PROKR2: variants seen among roughly 807,000 people sequenced by gnomAD.
The protein encoded by PROKR2 is G protein-coupled receptor 73-like 1.
A neutral mutation model predicts 23.4 loss-of-function variants in PROKR2; 26 were observed. That is an observed-to-expected ratio of 1.11 (90% CI 0.81 to 1.54). The LOEUF (loss-of-function observed/expected upper bound fraction) is 1.54. Ranked by LOEUF, PROKR2 falls within the 40% of genes most tolerant of loss-of-function variation. The probability of loss-of-function intolerance (pLI) is 0.00; values close to 1 mark genes in which losing one functional copy is unlikely to be tolerated. For missense variants in PROKR2, 453 were observed against 511.5 expected, an observed-to-expected ratio of 0.89 and a Z score of 1.10; for synonymous variants, 212 against 201.2, an observed-to-expected ratio of 1.05 and a Z score of -0.45.
rs1235576605 is a variant in PROKR2 at position 5,302,138 on chromosome 20, G to A, written c.1057C>T (p.Arg353Cys). 5.0e-6 allele frequency: 8 copies of A among 1,614,064 alleles called. No individual in the cohort carries two copies. Among genetic ancestry groups the A allele is most frequent in the Admixed American group, 3.3e-5 (2 of 60,008 alleles). ...GACTTGCTCCCCCGCTGGGAGGGACGCCAGTGCAGCAGCATCATCTTCTTG... is the reference window on the plus strand; with the variant it reads ...GACTTGCTCCCCCGCTGGGAGGGACACCAGTGCAGCAGCATCATCTTCTTG... ...YFKKMMLLHW[R>C]PSQRGSKSSA... Residue 353 changes from arginine to cysteine, a missense_variant, in exon 3 of 3, where the codon CGT (arginine) becomes TGT (cysteine). Coordinates refer to ENST00000678254, the MANE Select transcript of PROKR2 (RefSeq NM_144773.4).
chr20:5,310,184 G>C (rs1396092793), intron 2 of PROKR2, among the ~76,000 whole-genome samples: 1 of 152,184 alleles, frequency 6.6e-6, no homozygotes, highest in East Asian at 1.9e-4. Context: ...CATTTCCTAT[G>C]ACTCATTCAT....
Position 5,301,189 on chromosome 20 carries a change from T to C in PROKR2, c.*851A>G, listed in dbSNP as rs1304147463. Among the ~76,000 whole-genome samples, 1 of 150,892 alleles carries C rather than the reference T, an allele frequency of 6.6e-6. No individual in the cohort carries two copies. The highest frequency in any genetic ancestry group is 2.4e-5 in the African/African-American group (1 of 40,940). The stretch of plus-strand genomic sequence containing the variant: ...ACATTTCCATTGTGTCTAAGAGTCT[T>C]CTTCTATAGCCGTTGGTTGTTGTTG... On this transcript the variant is annotated 3_prime_UTR_variant, in exon 3 of 3. Coordinates refer to ENST00000678254, the MANE Select transcript of PROKR2 (RefSeq NM_144773.4).
chr20:5,304,896 C>T, intron 2 of PROKR2, among the ~76,000 whole-genome samples: 1 of 152,088 alleles, frequency 6.6e-6, no homozygotes, highest in Non-Finnish European at 1.5e-5. Context: ...ATATCAAGGC[C>T]TGTGATGGTA....
rs1330236754 is a variant in PROKR2 at position 5,314,330 on chromosome 20, A to C, written c.40T>G (p.Phe14Val). Reference sequence around the variant, plus strand: ...GAGGCATGGTCTTGGGGTGGATTAAAGTTGGGTGTGAAACTGGTGTTTCCA... The same window carrying C: ...GAGGCATGGTCTTGGGGTGGATTAACGTTGGGTGTGAAACTGGTGTTTCCA... ...QNGNTSFTPN[F>V]NPPQDHASSL... Residue 14 changes from phenylalanine to valine, a missense_variant, in exon 2 of 3, where the codon TTT becomes GTT. Physicochemically the swap from Phe to Val is conservative, Grantham distance 50. Transcript: ENST00000678254. 6.2e-7 allele frequency: 1 copy of C among 1,614,144 alleles called. No homozygotes were observed.
chr20:5,314,425 CCTT>C lies in PROKR2; in HGVS notation c.-8-51_-8-49del. 8 of 1,459,182 alleles carry C rather than the reference CCTT, an allele frequency of 5.5e-6. No homozygotes were observed. In the South Asian group the frequency reaches 9.1e-5, roughly 17 times the overall value. 90.4% of individuals were successfully genotyped at this position (1,459,182 alleles called of 1,614,324 possible). A position where few individuals can be genotyped will look rare whatever the true frequency, so the allele number is the denominator to read the frequency against. ...GAGGTGCGAGGGGTGAGGGTCCAGA[CCTT>C]CTGCTCTTTCAGGGTCAGTGAGCCT... On this transcript the variant is annotated intron_variant, in intron 1 of 2. Transcript: ENST00000678254.
rs528634363 is a variant in PROKR2, at chr20:5,300,906, T to C, written c.*1134A>G. 2.0e-5 allele frequency among the ~76,000 whole-genome samples: 3 copies of C among 152,224 alleles called. No individual in the cohort carries two copies. The highest frequency in any genetic ancestry group is 2.4e-5 in the African/African-American group (1 of 41,474). On this transcript the variant is annotated 3_prime_UTR_variant, in exon 3 of 3. Coordinates refer to ENST00000678254, the MANE Select transcript of PROKR2 (RefSeq NM_144773.4). ...GGAGGCAAAAATTGACACCTCAGGA[T>C]TACCCATCTCCACCCAAATAAAATG...
At chr20:5,312,402 C>T (rs529860632) in intron 2 of PROKR2, among the ~76,000 whole-genome samples, 116 of 152,306 alleles carry the variant, frequency 7.6e-4, no homozygotes, top group African/African-American at 2.5e-3. Context: ...CCACCGCACC[C>T]GGGCTGACTT....
rs558187550 is a variant in PROKR2 at position 5,300,853 on chromosome 20, C to G, written c.*1187G>C. Among the ~76,000 whole-genome samples the G allele has an allele frequency of 1.3e-5, 2 of 152,302 alleles. No individual in the cohort carries two copies. Among genetic ancestry groups the G allele is most frequent in the Admixed American group, 6.5e-5 (1 of 15,294 alleles). On this transcript the variant is annotated 3_prime_UTR_variant, in exon 3 of 3. Transcript: ENST00000678254. ...TTCTCTGTCCTCTTTCCCCCTGACC[C>G]CAGAGCCACTGAAATCCTTTGCACT...
At chr20:5,304,271 A>G (rs942622145) in intron 2 of PROKR2, among the ~76,000 whole-genome samples, 2 of 152,184 alleles carry the variant, frequency 1.3e-5, no homozygotes, top group Non-Finnish European at 2.9e-5. Context: ...CCCCAGATCA[A>G]CAGGGAAATA....
intron 2 of PROKR2, among the ~76,000 whole-genome samples, chr20:5,310,653 T>TTGA (rs1979404763): frequency 5.2e-5 from 2 of 38,180 alleles, no homozygotes; most frequent in African/African-American, 3.0e-4. Flanking sequence ...GCAGCCCTCA[T>TTGA]CAATGACCTC....
chr20:5,309,046 G>T (rs981185691), intron 2 of PROKR2, among the ~76,000 whole-genome samples: 12 of 152,086 alleles, frequency 7.9e-5, no homozygotes, highest in Non-Finnish European at 1.6e-4. Context: ...TGGTTGCTGG[G>T]GTTCTTCAGC....
At chr20:5,313,541 G>C (rs1979521136) in intron 2 of PROKR2, among the ~76,000 whole-genome samples, 1 of 152,230 alleles carries the variant, frequency 6.6e-6, no homozygotes, top group Non-Finnish European at 1.5e-5. Flanking sequence ...CTGGAGGGTG[G>C]CTACAGGAAA....
In PROKR2 at chr20:5,302,620, G is replaced by T. The variant is rs960872927; in HGVS notation, c.575C>A (p.Ala192Glu). Residue 192 changes from alanine to glutamate, a missense_variant, in exon 3 of 3, where the codon GCA (alanine) becomes GAA (glutamate). Ala to Glu is a moderately radical substitution (Grantham distance 107). Coordinates refer to ENST00000678254, the MANE Select transcript of PROKR2 (RefSeq NM_144773.4). ...GACAATAAAGAGGACCGTTTCTGTT[G>T]CAAAGTAAGCCGATGGGATGGCAAT... ...ILIAIPSAYF[A>E]TETVLFIVKS... The T allele has an allele frequency of 6.2e-7, 1 of 1,614,214 alleles. No homozygotes were observed. The highest frequency in any genetic ancestry group is 1.7e-5 in the Admixed American group (1 of 60,014).
rs538606142 is a variant in PROKR2, at chr20:5,302,504, C to T, written c.691G>A (p.Glu231Lys). ...KSYFLFIFGVEFVGPVVTMTL... is the reference protein window; with the variant it reads ...KSYFLFIFGVKFVGPVVTMTL... The stretch of plus-strand genomic sequence containing the variant: ...ATGGTGACCACAGGGCCCACGAACT[C>T]GACACCAAAGATGAAGAGGAAGTAG... Residue 231 changes from glutamate to lysine, a missense_variant, in exon 3 of 3, where the codon GAG (glutamate) becomes AAG (lysine). Coordinates refer to ENST00000678254, the MANE Select transcript of PROKR2 (RefSeq NM_144773.4). The T allele has an allele frequency of 7.4e-6, 12 of 1,614,224 alleles. No homozygotes were observed. Among genetic ancestry groups the T allele is most frequent in the South Asian group, 4.4e-5 (4 of 91,086 alleles).
rs778739474 is a variant in PROKR2 at position 5,302,246 on chromosome 20, C to T, written c.949G>A (p.Val317Met). 10 of 1,614,200 alleles carry T rather than the reference C, an allele frequency of 6.2e-6. No homozygotes were observed. The highest frequency in any genetic ancestry group is 3.3e-5 in the Admixed American group (2 of 60,024). The change falls in exon 3 of 3, where the codon GTG becomes ATG. Residue 317 changes from valine to methionine, a missense_variant. By Grantham distance (21) the Val-to-Met change is conservative. Coordinates refer to ENST00000678254, the MANE Select transcript of PROKR2 (RefSeq NM_144773.4). Reference sequence around the variant, plus strand: ...TTGCTCATGGCGATGCACTCGACCACGTAGAAGGCAGTGAGGTAGTGCTTT... The same window carrying T: ...TTGCTCATGGCGATGCACTCGACCATGTAGAAGGCAGTGAGGTAGTGCTTT... ...KEKHYLTAFY[V>M]VECIAMSNSM...
intron 2 of PROKR2, 63 bp downstream of exon 2, chr20:5,313,849 G>A (rs1157129364): frequency 2.9e-6 from 4 of 1,357,242 alleles, no homozygotes; most frequent in Non-Finnish European, 4.2e-6. Flanking sequence ...GCCTGTCAGA[G>A]CCTAAATGAG....
intron 2 of PROKR2, among the ~76,000 whole-genome samples, chr20:5,309,788 A>G (rs1451802814): frequency 4.5e-5 from 5 of 111,150 alleles, no homozygotes; most frequent in Admixed American, 4.0e-4. Context: ...TGGTTCCACC[A>G]TAAAAAGTAT....
chr20:5,316,439 C>G lies in PROKR2; in HGVS notation c.-9+55G>C. ...TGGGCGTCAGAGGCCCTTGTCCTAGCGACTCCCCCACCGCACCGACTGAGT... is the reference window on the plus strand; with the variant it reads ...TGGGCGTCAGAGGCCCTTGTCCTAGGGACTCCCCCACCGCACCGACTGAGT... On this transcript the variant is annotated intron_variant, in intron 1 of 2. Coordinates refer to ENST00000678254, the MANE Select transcript of PROKR2 (RefSeq NM_144773.4). This position sits in a 1 kb window ranked among gnomAD's most constrained non-coding sequence, Gnocchi z 5.0. The G allele has an allele frequency of 2.2e-6, 1 of 452,352 alleles. No homozygotes were observed. The highest frequency in any genetic ancestry group is 4.4e-6 in the Non-Finnish European group (1 of 224,806). 28.0% of individuals were successfully genotyped at this position (452,352 alleles called of 1,614,324 possible).
In PROKR2 at chr20:5,314,043, G is replaced by A. The variant is rs780924864; in HGVS notation, c.327C>T (p.Phe109=). 17 of 1,614,086 alleles carry A rather than the reference G, an allele frequency of 1.1e-5. No individual in the cohort carries two copies. Among genetic ancestry groups the A allele is most frequent in the East Asian group, 4.5e-5 (2 of 44,896 alleles). The change falls in exon 2 of 3, where the codon TTC becomes TTT. Residue 109 remains phenylalanine, a synonymous_variant. Coordinates refer to ENST00000678254, the MANE Select transcript of PROKR2 (RefSeq NM_144773.4). The part of the protein sequence containing the change: ...DFLVAIICCP[F]EMDYYVVRQL... Reference sequence around the variant, plus strand: ...GCCGTACCACGTAGTAGTCCATCTCGAAGGGGCAGCAGATGATGGCCACCA... The same window carrying A: ...GCCGTACCACGTAGTAGTCCATCTCAAAGGGGCAGCAGATGATGGCCACCA...
Sources: allele counts gnomAD v4.1 joint callset (sites outside exome capture counted in the v4.1 genomes callset), GRCh38; gene constraint gnomAD v4.1.1; non-coding constraint Gnocchi (gnomAD v3.1); transcripts MANE v1.5; gene names NCBI Gene and HGNC (gene_info 2026-07-23, HGNC 2026-07-21).